Variants in ZCWPW2 observed in about 807,000 individuals in gnomAD.
ZCWPW2 encodes zinc finger CW-type PWWP domain protein 2.
Under a neutral mutation model 46.6 loss-of-function variants are expected in ZCWPW2, and 45 were observed. The observed-to-expected ratio is 0.96, with a 90% CI of 0.76 to 1.24. The LOEUF (loss-of-function observed/expected upper bound fraction) is 1.24, where lower values mean the gene tolerates loss of function less well. Among genes scored for constraint, ZCWPW2 ranks in the 50% most tolerant of loss-of-function variants. ZCWPW2 has a pLI of 0.00. For synonymous variants in ZCWPW2, 152 were observed against 137.1 expected, an observed-to-expected ratio of 1.11 and a Z score of -0.76; for missense variants, 429 against 403.9, an observed-to-expected ratio of 1.06 and a Z score of -0.53.
At chr3:28,361,827 C>T (rs1049872007) in intron 1 of ZCWPW2, among the ~76,000 whole-genome samples, 1 of 151,930 alleles carries the variant, frequency 6.6e-6, no homozygotes, top group African/African-American at 2.4e-5. Context: ...TGAGCTGTAC[C>T]CTCATACCTG....
intron 4 of ZCWPW2, among the ~76,000 whole-genome samples, chr3:28,453,484 T>C (rs1370601708): frequency 1.3e-5 from 2 of 152,214 alleles, no homozygotes; most frequent in Admixed American, 6.5e-5. Flanking sequence ...ATATTGACCC[T>C]TCAATGGAAC....
At chr3:28,491,433 T>A (rs1172125480) in intron 5 of ZCWPW2, among the ~76,000 whole-genome samples, 1 of 152,120 alleles carries the variant, frequency 6.6e-6, no homozygotes, top group Non-Finnish European at 1.5e-5. Flanking sequence ...TTACTAATTA[T>A]TCTGTTTTTA....
rs767072312 is a variant in ZCWPW2, at chr3:28,435,100, C to A, written c.333-10C>A. On this transcript the variant is annotated splice_polypyrimidine_tract_variant and intron_variant, in intron 3 of 9. Transcript: ENST00000383768. Reference sequence around the variant, plus strand: ...GCATCAAAATAATTACAAATATTTTCTTTTGAAAGTTGGCCAGGAATACTT... The same window carrying A: ...GCATCAAAATAATTACAAATATTTTATTTTGAAAGTTGGCCAGGAATACTT... 15 of 1,603,982 alleles carry A rather than the reference C, an allele frequency of 9.4e-6. No homozygotes were observed. Among genetic ancestry groups the A allele is most frequent in the Non-Finnish European group, 1.3e-5 (15 of 1,177,568 alleles).
intron 8 of ZCWPW2, among the ~76,000 whole-genome samples, chr3:28,519,218 A>G (rs1423082914): frequency 6.6e-6 from 1 of 152,226 alleles, no homozygotes; most frequent in Non-Finnish European, 1.5e-5. Context: ...GTTGCTTATC[A>G]GAAAGCTTGT....
chr3:28,438,334 C>A (rs1411881149), intron 4 of ZCWPW2, among the ~76,000 whole-genome samples: 1 of 152,156 alleles, frequency 6.6e-6, no homozygotes, highest in African/African-American at 2.4e-5. Flanking sequence ...TTCATTTTTC[C>A]ATTTTTCCTC....
chr3:28,406,313 C>T (rs1391349058), intron 2 of ZCWPW2, among the ~76,000 whole-genome samples: 1 of 152,164 alleles, frequency 6.6e-6, no homozygotes, highest in Non-Finnish European at 1.5e-5. Flanking sequence ...GCAATCTCAA[C>T]AGAAGCCAAT....
At chr3:28,432,169 G>C (rs1184072979) in intron 3 of ZCWPW2, among the ~76,000 whole-genome samples, 1 of 152,120 alleles carries the variant, frequency 6.6e-6, no homozygotes, top group Non-Finnish European at 1.5e-5. Flanking sequence ...CCATATCAGT[G>C]CGTCTTGTCT....
chr3:28,470,575 T>A (rs978114974), intron 4 of ZCWPW2, among the ~76,000 whole-genome samples: 8 of 149,548 alleles, frequency 5.3e-5, no homozygotes, highest in African/African-American at 2.0e-4. Context: ...CCAAAACCTA[T>A]GAGATACAGT....
chr3:28,465,220 G>A (rs1375690501), intron 4 of ZCWPW2, among the ~76,000 whole-genome samples: 1 of 152,002 alleles, frequency 6.6e-6, no homozygotes, highest in African/African-American at 2.4e-5. Context: ...TTTTAAGATG[G>A]AACTTAACCA....
chr3:28,454,544 G>T (rs1020142154), intron 4 of ZCWPW2, among the ~76,000 whole-genome samples: 3 of 152,156 alleles, frequency 2.0e-5, no homozygotes, highest in African/African-American at 7.2e-5. Context: ...ATAGGTAAGT[G>T]TGTGCCATGG....
In ZCWPW2 at chr3:28,496,360, T is replaced by C. The variant is rs910581575; in HGVS notation, c.657+4187T>C. Among the ~76,000 whole-genome samples the C allele has an allele frequency of 2.0e-4, 30 of 152,202 alleles. No homozygotes were observed. The Middle Eastern group carries it at 0.017, about 86-fold the overall frequency. On this transcript the variant is annotated intron_variant, in intron 6 of 9. Coordinates refer to ENST00000383768, the MANE Select transcript of ZCWPW2 (RefSeq NM_001040432.4). ...ATATTTTTAGTGTTGCTAGCAAGAT[T>C]ATAAAACATTTCCACAAACATTGTC...
intron 5 of ZCWPW2, among the ~76,000 whole-genome samples, chr3:28,480,301 A>T (rs1034073050): frequency 6.6e-6 from 1 of 152,164 alleles, no homozygotes; most frequent in African/African-American, 2.4e-5. Flanking sequence ...TTTGATTTGC[A>T]GTTCTCTAAT....
At chr3:28,447,840 G>A in intron 4 of ZCWPW2, 1 of 1,047,050 alleles carries the variant, frequency 9.6e-7, no homozygotes. Flanking sequence ...AAGAAGGTTG[G>A]GAAAGCACCA....
intron 8 of ZCWPW2, among the ~76,000 whole-genome samples, chr3:28,517,579 C>G (rs943873364): frequency 5.9e-5 from 9 of 152,162 alleles, no homozygotes; most frequent in African/African-American, 2.2e-4. Flanking sequence ...CCGTGATGCA[C>G]TTACCTCCTA....
intron 5 of ZCWPW2, among the ~76,000 whole-genome samples, chr3:28,484,065 A>G (rs1699515420): frequency 6.6e-6 from 1 of 152,112 alleles, no homozygotes; most frequent in South Asian, 2.1e-4. Context: ...TCATCTTAGC[A>G]TGACAGCTTC....
chr3:28,489,245 G>T (rs1166515482), intron 5 of ZCWPW2, among the ~76,000 whole-genome samples: 1 of 151,906 alleles, frequency 6.6e-6, no homozygotes, highest in Non-Finnish European at 1.5e-5. Flanking sequence ...GTTTCTTTTT[G>T]TTTAATTTTA....
At chr3:28,504,346 G>T (rs548890679) in intron 6 of ZCWPW2, among the ~76,000 whole-genome samples, 7 of 152,006 alleles carry the variant, frequency 4.6e-5, no homozygotes, top group African/African-American at 1.4e-4. Flanking sequence ...TGTTTTAGTT[G>T]TGCTATTGTG....
chr3:28,501,748 C>A (rs1700149340), intron 6 of ZCWPW2, among the ~76,000 whole-genome samples: 1 of 152,012 alleles, frequency 6.6e-6, no homozygotes, highest in Admixed American at 6.6e-5. Context: ...TAAATCTTAA[C>A]ATACAAAGTT....
At chr3:28,355,872 G>A (rs1442546055) in intron 1 of ZCWPW2, among the ~76,000 whole-genome samples, 1 of 152,216 alleles carries the variant, frequency 6.6e-6, no homozygotes, top group African/African-American at 2.4e-5. Flanking sequence ...AGGTTTAAAT[G>A]TCAGTCCTAA....
Sources: gnomAD v4.1 joint callset for allele counts (sites outside exome capture counted in the v4.1 genomes callset) on GRCh38, gnomAD v4.1.1 for gene constraint, MANE v1.5 for transcripts, NCBI Gene and HGNC (gene_info 2026-07-23, HGNC 2026-07-21) for gene names.